DHRS9: variants seen among roughly 807,000 people sequenced by gnomAD.
The protein encoded by DHRS9 is dehydrogenase/reductase SDR family member 9.
A neutral mutation model predicts 26.6 loss-of-function variants in DHRS9; 18 were observed. The observed-to-expected ratio is 0.68, with a 90% CI of 0.47 to 1.00. The LOEUF (loss-of-function observed/expected upper bound fraction) is 1.00. Ranked by LOEUF, DHRS9 falls within the 50% of genes least tolerant of loss-of-function variation. The pLI is 0.00. For synonymous variants in DHRS9, 134 were observed against 141.1 expected (o/e 0.95, Z 0.36); for missense variants, 425 against 378.7 (o/e 1.12, Z -1.01).
intron 2 of DHRS9, 119 bp from the exon 3 acceptor site, chr2:169,083,210 T>A: frequency 7.7e-7 from 1 of 1,302,152 alleles, no homozygotes; most frequent in South Asian, 1.4e-5. Context: ...TATTTCAGAG[T>A]AGGAAAATGA....
intron 4 of DHRS9, among the ~76,000 whole-genome samples, chr2:169,092,762 A>C (rs1056263052): frequency 6.6e-6 from 1 of 152,224 alleles, no homozygotes; most frequent in East Asian, 1.9e-4. Context: ...GGAGAATAAT[A>C]ATAAAGATGA....
chr2:169,073,923 G>A (rs1683885953), intron 1 of DHRS9, among the ~76,000 whole-genome samples: 1 of 152,116 alleles, frequency 6.6e-6, no homozygotes, highest in East Asian at 1.9e-4. Flanking sequence ...TGTCCTCCAG[G>A]GGACATTTGG....
chr2:169,067,653 G>C (rs1035785873), upstream of DHRS9, among the ~76,000 whole-genome samples: 1 of 151,854 alleles, frequency 6.6e-6, no homozygotes, highest in African/African-American at 2.4e-5. Flanking sequence ...TGTGATCTTT[G>C]ATCTGAAGTC....
At chr2:169,084,751 C>A (rs1051859991) in intron 3 of DHRS9, among the ~76,000 whole-genome samples, 1 of 152,042 alleles carries the variant, frequency 6.6e-6, no homozygotes, top group East Asian at 1.9e-4. Context: ...AGATGGGTAG[C>A]TTTCAAATAT....
intron 1 of DHRS9, among the ~76,000 whole-genome samples, chr2:169,080,038 A>AAAGAAAGC (rs1481562480): frequency 7.4e-6 from 1 of 134,806 alleles, no homozygotes; most frequent in Non-Finnish European, 1.6e-5. Context: ...AGAAAGAAAG[A>AAAGAAAGC]AAGAAAGAAA....
At chr2:169,069,832 G>A in intron 1 of DHRS9, 115 bp downstream of exon 1, 1 of 905,240 alleles carries the variant, frequency 1.1e-6, no homozygotes, top group Non-Finnish European at 1.3e-6. Flanking sequence ...TGTGGTCAAT[G>A]TTGCTACTTC....
chr2:169,092,698 G>A (rs1417880267), intron 4 of DHRS9, among the ~76,000 whole-genome samples: 1 of 152,202 alleles, frequency 6.6e-6, no homozygotes, highest in Non-Finnish European at 1.5e-5. Context: ...ACACATGGAG[G>A]AGAAGATGGA....
intron 1 of DHRS9, among the ~76,000 whole-genome samples, chr2:169,080,018 A>T: frequency 6.9e-6 from 1 of 144,566 alleles, no homozygotes; most frequent in African/African-American, 2.5e-5. Context: ...AGAAAGAAAG[A>T]AAGAAAGAAA....
chr2:169,092,193 T>G (rs1423205831), intron 4 of DHRS9, among the ~76,000 whole-genome samples: 1 of 152,238 alleles, frequency 6.6e-6, no homozygotes, highest in African/African-American at 2.4e-5. Flanking sequence ...TATTATTTAC[T>G]CCTCAAAAAC....
intron 3 of DHRS9, among the ~76,000 whole-genome samples, chr2:169,090,410 C>A (rs1449727706): frequency 6.6e-6 from 1 of 152,162 alleles, no homozygotes; most frequent in Non-Finnish European, 1.5e-5. Flanking sequence ...AATTGGGCAA[C>A]AGGTGAATAA....
intron 1 of DHRS9, chr2:169,070,570 T>G: frequency 1.0e-6 from 1 of 985,006 alleles, no homozygotes; most frequent in Non-Finnish European, 1.2e-6. Flanking sequence ...GGCTACACGC[T>G]GCATCAAATC....
In DHRS9 at chr2:169,083,365, G is replaced by T. The variant is rs561935720; in HGVS notation, c.350G>T (p.Gly117Val). The T allele has an allele frequency of 5.0e-6, 8 of 1,613,940 alleles. No homozygotes were observed. Among genetic ancestry groups the T allele is most frequent in the Non-Finnish European group, 6.8e-6 (8 of 1,179,982 alleles). Reference protein sequence around the residue: ...WGLINNAGVPGVLAPTDWLTL... With the variant: ...WGLINNAGVPVVLAPTDWLTL... ...CTGATCAATAATGCTGGTGTTCCCG[G>T]CGTGCTGGCTCCCACTGACTGGCTG... Residue 117 changes from glycine (G) to valine (V), a missense_variant, in exon 3 of 5, where the codon GGC becomes GTC. By Grantham distance (109) the Gly-to-Val change is moderately radical (BLOSUM62 -3). Coordinates refer to ENST00000674881, the MANE Select transcript of DHRS9 (RefSeq NM_001376924.1).
chr2:169,077,421 A>G (rs533347552), intron 1 of DHRS9, among the ~76,000 whole-genome samples: 1 of 152,346 alleles, frequency 6.6e-6, no homozygotes, highest in East Asian at 1.9e-4. Flanking sequence ...CAGGAACAAT[A>G]ACCACCATAA....
At chr2:169,069,450 C>G, upstream of DHRS9, 3 of 985,438 alleles carry the variant, frequency 3.0e-6, no homozygotes, top group Non-Finnish European at 2.4e-6. Flanking sequence ...ATGCGACCTA[C>G]AGCTTCTTGG....
In DHRS9 at chr2:169,081,714, G is replaced by A. The variant is rs113877360; in HGVS notation, c.133G>A (p.Ala45Thr). The change falls in exon 2 of 5, where the codon GCA becomes ACA. Residue 45 changes from alanine (A) to threonine (T), a missense_variant. Transcript: ENST00000674881. Reference sequence around the variant, plus strand: ...ATGTGACTCGGGCTTTGGAAACTTGGCAGCCAGAACTTTTGATAAAAAGGG... The same window carrying A: ...ATGTGACTCGGGCTTTGGAAACTTGACAGCCAGAACTTTTGATAAAAAGGG... ...TGCDSGFGNL[A>T]ARTFDKKGFH... The A allele has an allele frequency of 2.5e-6, 4 of 1,614,170 alleles. No homozygotes were observed. Among genetic ancestry groups the A allele is most frequent in the African/African-American group, 1.3e-5 (1 of 75,040 alleles).
intron 1 of DHRS9, among the ~76,000 whole-genome samples, chr2:169,079,920 G>GGGGA (rs1558951468): frequency 9.7e-5 from 1 of 10,300 alleles, no homozygotes; most frequent in Non-Finnish European, 1.5e-4. Flanking sequence ...GGAGGGAGGG[G>GGGGA]GAGAGAGAGA....
At position 169,083,362 on chromosome 2, in the gene DHRS9, C is replaced by T. The variant is rs1382394075; in HGVS notation, c.347C>T (p.Pro116Leu). 1.2e-6 allele frequency: 2 copies of T among 1,613,922 alleles called. No individual in the cohort carries two copies. The highest frequency in any genetic ancestry group is 2.7e-5 in the African/African-American group (2 of 74,874). The change falls in exon 3 of 5, where the codon CCC (proline) becomes CTC (leucine). Residue 116 changes from proline (P) to leucine (L), a missense_variant. Pro to Leu is a moderately conservative substitution (Grantham distance 98). Coordinates refer to ENST00000674881, the MANE Select transcript of DHRS9 (RefSeq NM_001376924.1). Reference sequence around the variant, plus strand: ...GGTCTGATCAATAATGCTGGTGTTCCCGGCGTGCTGGCTCCCACTGACTGG... The same window carrying T: ...GGTCTGATCAATAATGCTGGTGTTCTCGGCGTGCTGGCTCCCACTGACTGG... Reference protein sequence around the residue: ...LWGLINNAGVPGVLAPTDWLT... With the variant: ...LWGLINNAGVLGVLAPTDWLT...
chr2:169,081,235 C>A, intron 1 of DHRS9: 2 of 935,590 alleles, frequency 2.1e-6, no homozygotes, highest in Non-Finnish European at 2.7e-6. Context: ...ATAGCTCCAG[C>A]TGGCCGTGGC....
rs1684663234 is a variant in DHRS9 at position 169,095,458 on chromosome 2, T to G, written c.737-86T>G. The stretch of plus-strand genomic sequence containing the variant: ...ATGGACAATTCAGAATAAATCCCCT[T>G]GTATCCATCCTCCCCTTTGCACCCT... On this transcript the variant is annotated intron_variant, in intron 4 of 4. Coordinates refer to ENST00000674881, the MANE Select transcript of DHRS9 (RefSeq NM_001376924.1). 3 of 1,017,818 alleles carry G rather than the reference T, an allele frequency of 2.9e-6. No homozygotes were observed. In the Admixed American group the frequency reaches 5.3e-5, roughly 18 times the overall value. 63.0% of individuals were successfully genotyped at this position (1,017,818 alleles called of 1,614,324 possible). A position where few individuals can be genotyped will look rare whatever the true frequency, so the allele number is the denominator to read the frequency against.
Sources: gnomAD v4.1 joint callset for allele counts (sites outside exome capture counted in the v4.1 genomes callset) on GRCh38, gnomAD v4.1.1 for gene constraint, MANE v1.5 for transcripts, NCBI Gene and HGNC (gene_info 2026-07-23, HGNC 2026-07-21) for gene names.